The following SNX30 variants were observed in gnomAD, a reference collection of about 807,000 sequenced individuals.
SNX30 encodes the protein sorting nexin-30.
In SNX30, 24 loss-of-function variants were observed where a neutral mutation model predicts 46.4. The observed-to-expected ratio is 0.52, with a 90% confidence interval of 0.37 to 0.73. The LOEUF is 0.73. Ranked by LOEUF, SNX30 falls within the 30% of genes least tolerant of loss-of-function variation. The pLI is 0.00. For synonymous variants in SNX30, 189 were observed against 211.5 expected (o/e 0.89, Z 0.92); for missense variants, 533 against 555.7 (o/e 0.96, Z 0.41).
At chr9:112,765,774 C>T (rs1564260811) in intron 1 of SNX30, among the ~76,000 whole-genome samples, 1 of 152,146 alleles carries the variant, frequency 6.6e-6, no homozygotes. Context: ...CACATAATTG[C>T]CTTTTTGTGG....
chr9:112,873,891 T>C lies in SNX30; in HGVS notation c.*5048T>C, dbSNP rs1242387821. ...CAAAAACAGAAAACATGATGTTGAC[T>C]CATGTAATTTAGTCCATTTTAGCAG... On this transcript the variant is annotated 3_prime_UTR_variant, in exon 9 of 9. Transcript: ENST00000374232. 1 of 152,204 alleles carries C rather than the reference T, an allele frequency of 6.6e-6. No homozygotes were observed. Among genetic ancestry groups the C allele is most frequent in the Non-Finnish European group, 1.5e-5 (1 of 68,044 alleles). The allele number at this position is 152,204 out of a possible 1,614,324, so 9.4% of individuals were successfully genotyped here.
intron 6 of SNX30, among the ~76,000 whole-genome samples, chr9:112,847,333 C>G (rs1260202639): frequency 6.6e-6 from 1 of 152,202 alleles, no homozygotes; most frequent in Non-Finnish European, 1.5e-5. Context: ...CTGGTTCTGT[C>G]TCTCTGTCAC....
In SNX30 at chr9:112,850,744, G is replaced by C; in HGVS notation, c.1015-115G>C. The stretch of plus-strand genomic sequence containing the variant: ...AGACTGTCCTAGGAGCACATGGCTG[G>C]GCCTGGGGTAGGCCTTGATTTGGGG... On this transcript the variant is annotated intron_variant, in intron 6 of 8. Coordinates refer to ENST00000374232, the MANE Select transcript of SNX30 (RefSeq NM_001012994.2). 3 of 690,702 alleles carry C rather than the reference G, an allele frequency of 4.3e-6. No homozygotes were observed. In the South Asian group the frequency reaches 5.5e-5, roughly 13 times the overall value. 42.8% of individuals were successfully genotyped at this position (690,702 alleles called of 1,614,324 possible).
Position 112,751,123 on chromosome 9 carries a change from C to T in SNX30, c.122C>T (p.Pro41Leu), listed in dbSNP as rs1386237131. The T allele has an allele frequency of 3.3e-6, 5 of 1,513,580 alleles. No individual in the cohort carries two copies. In the African/African-American group the frequency reaches 4.2e-5, roughly 13 times the overall value. 93.8% of individuals were successfully genotyped at this position (1,513,580 alleles called of 1,614,324 possible). ...GTGGGTGGTGACAGCACGCCCAGCC[C>T]GGACCTGCTGATGGCCCGCAGCTTC... ...EAVGGDSTPS[P>L]DLLMARSFGD... The change falls in exon 1 of 9, where the codon CCG (proline) becomes CTG (leucine). Residue 41 changes from proline (P) to leucine (L), a missense_variant. Physicochemically the swap from Pro to Leu is moderately conservative, Grantham distance 98. Around this residue, in one of 3 missense-constraint regions of SNX30, gnomAD observed 191 missense variants for 160.3 expected, o/e 1.19. Coordinates refer to ENST00000374232, the MANE Select transcript of SNX30 (RefSeq NM_001012994.2).
downstream of SNX30, among the ~76,000 whole-genome samples, chr9:112,881,906 A>G (rs181731692): frequency 6.6e-6 from 1 of 152,234 alleles, no homozygotes; most frequent in Admixed American, 6.5e-5. Context: ...CTTTGAGAAA[A>G]TGGTGTTTCA....
At chr9:112,796,953 T>G (rs1487753352) in intron 1 of SNX30, among the ~76,000 whole-genome samples, 1 of 152,092 alleles carries the variant, frequency 6.6e-6, no homozygotes, top group Non-Finnish European at 1.5e-5. Context: ...GGAGAGAATA[T>G]AGGGAAAGCA....
intron 5 of SNX30, among the ~76,000 whole-genome samples, chr9:112,837,436 T>G (rs1399890976): frequency 6.6e-6 from 1 of 152,078 alleles, no homozygotes; most frequent in Non-Finnish European, 1.5e-5. Flanking sequence ...TAAAATTCCA[T>G]TGTTTATCCA....
chr9:112,848,933 C>T (rs182167498), intron 6 of SNX30, among the ~76,000 whole-genome samples: 14 of 152,312 alleles, frequency 9.2e-5, no homozygotes, highest in South Asian at 2.1e-4. Flanking sequence ...GGAGCCCCCA[C>T]GCTGTGCTGG....
chr9:112,809,745 C>G (rs567739633), intron 2 of SNX30, among the ~76,000 whole-genome samples: 1 of 152,086 alleles, frequency 6.6e-6, no homozygotes, highest in South Asian at 2.1e-4. Context: ...TGTAGTGATG[C>G]AGAACCCAAG....
chr9:112,883,814 C>T (rs1841612796), downstream of SNX30, among the ~76,000 whole-genome samples: 1 of 151,748 alleles, frequency 6.6e-6, no homozygotes, highest in African/African-American at 2.4e-5. Context: ...TCTCCTGCCT[C>T]AGCCTCCCGA....
intron 7 of SNX30, among the ~76,000 whole-genome samples, chr9:112,852,811 C>T (rs759927435): frequency 1.6e-4 from 25 of 152,284 alleles, no homozygotes; most frequent in South Asian, 4.1e-4. Flanking sequence ...CAGGGACTTG[C>T]ATTTCAGGGA....
Position 112,817,770 on chromosome 9 carries a change from GT to G in SNX30, c.416del (p.Leu139Ter). ...VRRRYQDFDW[L>X]RSKLEESQPT... is the part of the protein sequence containing the mutation. ...GTCGAAGATACCAGGATTTTGACTG[GT>G]TGAGGAGCAAACTGGAAGAATCCCA... On this transcript the variant is annotated frameshift_variant, in exon 3 of 9. Coordinates refer to ENST00000374232, the MANE Select transcript of SNX30 (RefSeq NM_001012994.2). LOFTEE classifies it high-confidence loss of function. 2.5e-6 allele frequency: 4 copies of G among 1,613,890 alleles called. No individual in the cohort carries two copies. Among genetic ancestry groups the G allele is most frequent in the Non-Finnish European group, 3.4e-6 (4 of 1,179,912 alleles).
intron 1 of SNX30, 21 bp downstream of exon 1, chr9:112,751,178 G>T: frequency 6.8e-7 from 1 of 1,477,044 alleles, no homozygotes; most frequent in South Asian, 1.3e-5. Context: ...TGGGGCCGGG[G>T]AGTGGGAGGC....
chr9:112,787,264 T>A (rs1019293642), intron 1 of SNX30, among the ~76,000 whole-genome samples: 2 of 152,206 alleles, frequency 1.3e-5, no homozygotes, highest in African/African-American at 4.8e-5. Context: ...ACAAAACTAG[T>A]ACTGTACAGG....
Position 112,838,821 on chromosome 9 carries a change from G to A in SNX30, c.1014+124G>A. ...CCTTCTTCCTGGGTGGGCAGGATCA[G>A]ACACGTGGACTGACATCATGGACAT... On this transcript the variant is annotated intron_variant, in intron 6 of 8. Transcript: ENST00000374232. 5.0e-6 allele frequency: 4 copies of A among 795,292 alleles called. No homozygotes were observed. The South Asian group carries it at 6.9e-5, about 14-fold the overall frequency. The allele number at this position is 795,292 out of a possible 1,614,324, so 49.3% of individuals were successfully genotyped here. A position where few individuals can be genotyped will look rare whatever the true frequency, so the allele number is the denominator to read the frequency against.
intron 1 of SNX30, among the ~76,000 whole-genome samples, chr9:112,769,210 A>G (rs1425683104): frequency 6.6e-6 from 1 of 152,230 alleles, no homozygotes; most frequent in Non-Finnish European, 1.5e-5. Flanking sequence ...ATAAACTAGC[A>G]TGTGAAGGGA....
chr9:112,818,664 A>T (rs1840443492), intron 3 of SNX30, among the ~76,000 whole-genome samples: 1 of 152,326 alleles, frequency 6.6e-6, no homozygotes, highest in Admixed American at 6.5e-5. Context: ...AGAGGGGCTG[A>T]TTTATCTTTC....
At chr9:112,864,496 C>A (rs1026704880) in intron 8 of SNX30, 97 bp downstream of exon 8, 1 of 1,489,816 alleles carries the variant, frequency 6.7e-7, no homozygotes, top group Non-Finnish European at 9.3e-7. Context: ...CTAGTCTCAT[C>A]TCCTTCCCTT....
intron 1 of SNX30, among the ~76,000 whole-genome samples, chr9:112,753,190 C>T (rs1050682565): frequency 2.0e-5 from 3 of 151,988 alleles, no homozygotes; most frequent in African/African-American, 7.3e-5. Flanking sequence ...ATTTACCTAA[C>T]GATTCACTCA....
Sources: allele counts gnomAD v4.1 joint callset (sites outside exome capture counted in the v4.1 genomes callset), GRCh38; gene constraint gnomAD v4.1.1; regional missense constraint gnomAD v4.1.1; transcripts MANE v1.5; gene names NCBI Gene and HGNC (gene_info 2026-07-23, HGNC 2026-07-21).